Variants in CIT observed in about 807,000 individuals in gnomAD.
CIT encodes the protein citron rho-interacting serine/threonine kinase, also known as citron Rho-interacting kinase.
In CIT, 79 loss-of-function variants were observed where a neutral mutation model predicts 272.7. That is an observed-to-expected ratio of 0.29 (90% CI 0.24 to 0.35). CIT has a LOEUF of 0.35. Among genes scored for constraint, CIT ranks in the 10% least tolerant of loss-of-function variants. The probability of loss-of-function intolerance (pLI) is 1.00; values close to 1 mark genes in which losing one functional copy is unlikely to be tolerated. For synonymous variants in CIT, 948 were observed against 995.6 expected (o/e 0.95, Z 0.90); for missense variants, 1,909 against 2,618.3 (o/e 0.73, Z 5.91).
intron 1 of CIT, among the ~76,000 whole-genome samples, chr12:119,876,673 G>A (rs1950858241): frequency 6.6e-6 from 1 of 152,200 alleles, no homozygotes; most frequent in Non-Finnish European, 1.5e-5. Flanking sequence ...TTTGACCCAA[G>A]ACTTGAAGAC....
Position 119,745,374 on chromosome 12 carries a change from C to CAAAAA in CIT, c.2905-2915_2905-2911dup, listed in dbSNP as rs757825062. Among the ~76,000 whole-genome samples the CAAAAA allele has an allele frequency of 7.1e-3, 50 of 6,996 alleles. 7 individuals carry two copies. Among genetic ancestry groups the CAAAAA allele is most frequent in the East Asian group, 0.012 (3 of 252 alleles). The allele number at this position is 6,996 out of a possible 152,430, so 4.6% of individuals were successfully genotyped here. ...TGAAATAAAAAACAGAAGAAACAAGCAAAAAAAAAAAAAAAAAAAAAAAAC... is the reference window on the plus strand; with the variant it reads ...TGAAATAAAAAACAGAAGAAACAAGCAAAAAAAAAAAAAAAAAAAAAAAAAAAAAC... On this transcript the variant is annotated intron_variant, in intron 23 of 47. Coordinates refer to ENST00000392521, the MANE Select transcript of CIT (RefSeq NM_001206999.2).
At chr12:119,817,563 G>A (rs1442967762) in intron 9 of CIT, among the ~76,000 whole-genome samples, 2 of 151,984 alleles carry the variant, frequency 1.3e-5, no homozygotes, top group African/African-American at 2.4e-5. Flanking sequence ...GGAGGCCTAC[G>A]AAGCATTAAA....
At chr12:119,788,698 T>C (rs192635448) in intron 10 of CIT, among the ~76,000 whole-genome samples, 2 of 152,140 alleles carry the variant, frequency 1.3e-5, no homozygotes, top group African/African-American at 4.8e-5. Context: ...TTAGGTCACT[T>C]ATCAATGGGC....
At chr12:119,794,938 G>C (rs1229290056) in intron 10 of CIT, among the ~76,000 whole-genome samples, 3 of 152,202 alleles carry the variant, frequency 2.0e-5, no homozygotes, top group Non-Finnish European at 4.4e-5. Flanking sequence ...AGGGAATTGA[G>C]GCTGAAAGCA....
chr12:119,732,001 A>G (rs1958486120), intron 26 of CIT, among the ~76,000 whole-genome samples: 1 of 151,752 alleles, frequency 6.6e-6, no homozygotes, highest in South Asian at 2.1e-4. Context: ...AAACCCGGCT[A>G]ATTTTTGTAT....
chr12:119,704,428 C>A lies in CIT; in HGVS notation c.5239G>T (p.Ala1747Ser). 6.2e-7 allele frequency: 1 copy of A among 1,613,984 alleles called. No individual in the cohort carries two copies. The highest frequency in any genetic ancestry group is 1.1e-5 in the South Asian group (1 of 91,074). ...AGAATGACGACTTTGCTGGGCATGG[C>A]TGCACAGATGCAGAGCCCGTTCTCA... Reference protein sequence around the residue: ...KIENGLCICAAMPSKVVILRY... With the variant: ...KIENGLCICASMPSKVVILRY... Residue 1747 changes from alanine (A) to serine (S), a missense_variant, in exon 41 of 48, where the codon GCC becomes TCC. Physicochemically the swap from Ala to Ser is moderately conservative, Grantham distance 99. Coordinates refer to ENST00000392521, the MANE Select transcript of CIT (RefSeq NM_001206999.2).
intron 22 of CIT, among the ~76,000 whole-genome samples, chr12:119,756,552 C>T (rs1961008614): frequency 6.6e-6 from 1 of 152,138 alleles, no homozygotes; most frequent in African/African-American, 2.4e-5. Flanking sequence ...TCTTCCTTTC[C>T]ATCTGAGCAA....
Position 119,728,748 on chromosome 12 carries a change from C to G in CIT, c.3487-142G>C. ...CGTAAAGGTTGCTTTTTTCTAAATA[C>G]AGAAGTCCCTGTCACTGGTGAGTCT... On this transcript the variant is annotated intron_variant, in intron 27 of 47. Transcript: ENST00000392521. This position sits in a 1 kb window ranked among gnomAD's most constrained non-coding sequence, Gnocchi z 4.3. 1.7e-6 allele frequency: 1 copy of G among 600,040 alleles called. No homozygotes were observed. The highest frequency in any genetic ancestry group is 3.2e-5 in the Admixed American group (1 of 30,932). 37.2% of individuals were successfully genotyped at this position (600,040 alleles called of 1,614,324 possible).
Position 119,690,965 on chromosome 12 carries a change from A to G in CIT, c.5883-511T>C, listed in dbSNP as rs1409623580. On this transcript the variant is annotated intron_variant, in intron 46 of 47. Transcript: ENST00000392521. This position sits in a 1 kb window ranked among gnomAD's most constrained non-coding sequence, Gnocchi z 6.0. ...GAGGCAGGTAGATCACGAGGTCAGGAGATCGAGGCCAGCCTGGCCAACATG... is the reference window on the plus strand; with the variant it reads ...GAGGCAGGTAGATCACGAGGTCAGGGGATCGAGGCCAGCCTGGCCAACATG... 6.6e-6 allele frequency among the ~76,000 whole-genome samples: 1 copy of G among 152,188 alleles called. No individual in the cohort carries two copies. Among genetic ancestry groups the G allele is most frequent in the Non-Finnish European group, 1.5e-5 (1 of 68,038 alleles).
chr12:119,723,759 C>T (rs1382898948), intron 28 of CIT, among the ~76,000 whole-genome samples: 2 of 152,110 alleles, frequency 1.3e-5, no homozygotes, highest in East Asian at 3.9e-4. Flanking sequence ...TAAGAAAAAG[C>T]AAACTTGTGG....
At chr12:119,714,051 G>GA in intron 33 of CIT, 146 bp downstream of exon 33, 1 of 912,922 alleles carries the variant, frequency 1.1e-6, no homozygotes, top group Admixed American at 2.8e-5. Context: ...TTCAACAGGG[G>GA]AAAAATAGCA....
chr12:119,776,721 G>A lies in CIT; in HGVS notation c.1787C>T (p.Ala596Val). Residue 596 changes from alanine (A) to valine (V), a missense_variant, in exon 14 of 48, where the codon GCT becomes GTT. This residue lies in a region of CIT where 530 missense variants were observed against 822.4 expected (regional missense o/e 0.64). Coordinates refer to ENST00000392521, the MANE Select transcript of CIT (RefSeq NM_001206999.2). Reference sequence around the variant, plus strand: ...TGTCGCTTTCCGCTTGAATTCTTCAGCAGCAAGCCGAGACTCTCTCAGCTC... The same window carrying A: ...TGTCGCTTTCCGCTTGAATTCTTCAACAGCAAGCCGAGACTCTCTCAGCTC... ...ESELRESRLAAEEFKRKATEC... is the reference protein window; with the variant it reads ...ESELRESRLAVEEFKRKATEC... 1 of 1,613,904 alleles carries A rather than the reference G, an allele frequency of 6.2e-7. No individual in the cohort carries two copies. The highest frequency in any genetic ancestry group is 8.5e-7 in the Non-Finnish European group (1 of 1,180,004).
intron 10 of CIT, among the ~76,000 whole-genome samples, chr12:119,799,878 AT>A (rs1181888527): frequency 6.8e-6 from 1 of 147,538 alleles, no homozygotes; most frequent in Non-Finnish European, 1.5e-5. Flanking sequence ...TCATTAGTGT[AT>A]TTTATGTGTG....
At chr12:119,780,377 G>T (rs1964171345) in intron 13 of CIT, among the ~76,000 whole-genome samples, 1 of 152,138 alleles carries the variant, frequency 6.6e-6, no homozygotes. Context: ...TCAGCACTTT[G>T]GGAGGCCAAG....
At chr12:119,724,415 A>G (rs1348423819) in intron 28 of CIT, among the ~76,000 whole-genome samples, 2 of 152,192 alleles carry the variant, frequency 1.3e-5, no homozygotes, top group Non-Finnish European at 1.5e-5. Flanking sequence ...AATAGGTAAA[A>G]GTGGAAGGTT....
intron 39 of CIT, among the ~76,000 whole-genome samples, 177 bp from the exon 40 acceptor site, chr12:119,708,495 T>C (rs933002769): frequency 6.6e-6 from 1 of 151,908 alleles, no homozygotes; most frequent in Non-Finnish European, 1.5e-5. Flanking sequence ...TTTTTTTTTT[T>C]AAATTTTTGA....
Position 119,822,954 on chromosome 12 carries a change from T to C in CIT, c.977A>G (p.Asp326Gly), listed in dbSNP as rs1967843639. The C allele has an allele frequency of 4.4e-6, 7 of 1,607,424 alleles. No homozygotes were observed. Among genetic ancestry groups the C allele is most frequent in the Non-Finnish European group, 5.9e-6 (7 of 1,178,390 alleles). ...AAAGTCACTGCTCACTTTGGGGTCA[T>C]CTGGAAATTTCAAAAACCGCTGTTC... ...MNFQRFLKFPDDPKVSSDFLD... is the reference protein window; with the variant it reads ...MNFQRFLKFPGDPKVSSDFLD... The change falls in exon 9 of 48, where the codon GAT (aspartate) becomes GGT (glycine). Residue 326 changes from aspartate (D) to glycine (G), a missense_variant. Physicochemically the swap from Asp to Gly is moderately conservative, Grantham distance 94 (BLOSUM62 -1). Coordinates refer to ENST00000392521, the MANE Select transcript of CIT (RefSeq NM_001206999.2).
intron 10 of CIT, among the ~76,000 whole-genome samples, chr12:119,788,436 T>A (rs1300648432): frequency 1.3e-5 from 2 of 152,166 alleles, no homozygotes; most frequent in Non-Finnish European, 2.9e-5. Flanking sequence ...GTCACCCACA[T>A]GTCATGAAGT....
intron 3 of CIT, among the ~76,000 whole-genome samples, chr12:119,863,445 A>G (rs1566142858): frequency 6.6e-6 from 1 of 152,148 alleles, no homozygotes; most frequent in African/African-American, 2.4e-5. Context: ...GAAATAATCT[A>G]TAACAAACCC....
Sources: allele counts gnomAD v4.1 joint callset (sites outside exome capture counted in the v4.1 genomes callset), GRCh38; gene constraint gnomAD v4.1.1; regional missense constraint gnomAD v4.1.1; non-coding constraint Gnocchi (gnomAD v3.1); transcripts MANE v1.5; gene names NCBI Gene and HGNC (gene_info 2026-07-23, HGNC 2026-07-21).